The following FER variants were observed in gnomAD, a reference collection of about 807,000 sequenced individuals.
FER encodes the protein tyrosine-protein kinase Fer.
A neutral mutation model predicts 111.0 loss-of-function variants in FER; 63 were observed. The ratio of observed to expected loss-of-function variants is 0.57; its 90% CI spans 0.46 to 0.70. FER has a LOEUF of 0.70. Ranked by LOEUF, FER falls within the 30% of genes least tolerant of loss-of-function variation. FER has a pLI of 0.00. For missense variants in FER, 914 were observed against 954.0 expected, an observed-to-expected ratio of 0.96 and a Z score of 0.55; for synonymous variants, 327 against 313.9, an observed-to-expected ratio of 1.04 and a Z score of -0.44.
intron 13 of FER, among the ~76,000 whole-genome samples, chr5:109,020,205 G>T (rs1767741772): frequency 6.6e-6 from 1 of 151,788 alleles, no homozygotes; most frequent in Non-Finnish European, 1.5e-5. Flanking sequence ...CCTGCATTTG[G>T]AAATTAATTT....
intron 14 of FER, among the ~76,000 whole-genome samples, chr5:109,043,797 C>A (rs1033262296): frequency 5.9e-5 from 9 of 151,916 alleles, no homozygotes; most frequent in Non-Finnish European, 1.3e-4. Flanking sequence ...ATGCTGAAAC[C>A]CCATCTCTAC....
chr5:109,119,359 C>A (rs1449785813), intron 17 of FER, among the ~76,000 whole-genome samples: 2 of 152,180 alleles, frequency 1.3e-5, no homozygotes, highest in African/African-American at 4.8e-5. Flanking sequence ...TTTGTTTGCA[C>A]TGTGGTCTGA....
intron 3 of FER, chr5:108,820,431 C>T (rs1232834327): frequency 1.0e-6 from 1 of 984,972 alleles, no homozygotes; most frequent in Non-Finnish European, 1.2e-6. Context: ...TACTGTTCTT[C>T]AAAAGAAGAA....
intron 1 of FER, among the ~76,000 whole-genome samples, chr5:108,767,817 G>A (rs1368608368): frequency 6.6e-6 from 1 of 152,184 alleles, no homozygotes; most frequent in Non-Finnish European, 1.5e-5. Context: ...TGATGTAAAC[G>A]TGGAGAAAAA....
In FER at chr5:108,799,908, T is replaced by C. The variant is rs1219036732; in HGVS notation, c.207+1519T>C. ...CCCAGGCTGGAGTACGGTGGTGCAA[T>C]CTTGGCTCACTAAAACCTCTGCCTC... is the stretch of plus-strand genomic sequence containing the variant. On this transcript the variant is annotated intron_variant, in intron 3 of 19. Transcript: ENST00000281092. Among the ~76,000 whole-genome samples the C allele has an allele frequency of 4.6e-5, 7 of 150,726 alleles. No individual in the cohort carries two copies. The Admixed American group carries it at 4.7e-4, about 10-fold the overall frequency.
intron 13 of FER, among the ~76,000 whole-genome samples, chr5:109,007,926 T>G (rs1270373343): frequency 1.3e-5 from 2 of 152,352 alleles, no homozygotes; most frequent in East Asian, 3.9e-4. Context: ...TTTAGTTTTT[T>G]CAGTTTAAAA....
rs566097848 is a variant in FER at position 108,930,016 on chromosome 5, T to C, written c.1237-16114T>C. ...ATTGTGAATTTCTAAAGTTTTAAGA[T>C]ATCTAATAATTAGCTGTTTGTTTTT... is the stretch of plus-strand genomic sequence containing the variant. On this transcript the variant is annotated intron_variant, in intron 10 of 19. Coordinates refer to ENST00000281092, the MANE Select transcript of FER (RefSeq NM_005246.4). Among the ~76,000 whole-genome samples the C allele has an allele frequency of 1.6e-4, 24 of 152,340 alleles. No individual in the cohort carries two copies. The South Asian group carries it at 5.0e-3, about 32-fold the overall frequency.
intron 5 of FER, among the ~76,000 whole-genome samples, chr5:108,859,440 T>A (rs547982831): frequency 1.2e-4 from 19 of 152,190 alleles, no homozygotes; most frequent in South Asian, 2.1e-4. Flanking sequence ...AGAGATCATT[T>A]GTAGAGATTT....
rs564916185 is a variant in FER, at chr5:109,025,557, C to T, written c.1657-11865C>T. 1.5e-3 allele frequency among the ~76,000 whole-genome samples: 224 copies of T among 151,726 alleles called. 3 individuals are homozygous for T. The highest frequency in any genetic ancestry group is 5.1e-3 in the African/African-American group (210 of 41,340). On this transcript the variant is annotated intron_variant, in intron 13 of 19. Coordinates refer to ENST00000281092, the MANE Select transcript of FER (RefSeq NM_005246.4). ...GGGTTTTCTAGATATACAATCATGTCGTCTGCAAACAGGGACAATTTGACT... is the reference window on the plus strand; with the variant it reads ...GGGTTTTCTAGATATACAATCATGTTGTCTGCAAACAGGGACAATTTGACT...
chr5:108,849,460 GTTGTTGTTGTTGTTGTTGTTTTGTT>G (rs1322210576), intron 5 of FER, among the ~76,000 whole-genome samples: 1 of 149,802 alleles, frequency 6.7e-6, no homozygotes, highest in Non-Finnish European at 1.5e-5. Flanking sequence ...TGGTTTTGTT[GTTGTTGTTGTTGTTGTTGTTTTGTT>G]TTGTTGTTGT....
intron 13 of FER, among the ~76,000 whole-genome samples, chr5:108,994,475 G>A (rs745454407): frequency 5.9e-5 from 9 of 152,148 alleles, no homozygotes; most frequent in Non-Finnish European, 1.3e-4. Flanking sequence ...CTTTGTGTCT[G>A]TTTCTGTACC....
chr5:109,134,439 G>T (rs1329238702), intron 17 of FER, among the ~76,000 whole-genome samples: 1 of 152,040 alleles, frequency 6.6e-6, no homozygotes, highest in African/African-American at 2.4e-5. Context: ...GTTTTTCTTT[G>T]TCATTTATTA....
intron 3 of FER, among the ~76,000 whole-genome samples, chr5:108,824,656 T>G (rs1353859437): frequency 1.3e-5 from 2 of 152,114 alleles, no homozygotes; most frequent in African/African-American, 4.8e-5. Context: ...GGAAAAGAAA[T>G]AAATTTTAAA....
intron 17 of FER, among the ~76,000 whole-genome samples, chr5:109,164,653 CT>C (rs1756350088): frequency 6.6e-6 from 1 of 152,044 alleles, no homozygotes; most frequent in Non-Finnish European, 1.5e-5. Context: ...TGAATTCCAC[CT>C]TTTAGAAATA....
chr5:108,893,211 A>G (rs905739230), intron 9 of FER, among the ~76,000 whole-genome samples: 1 of 152,012 alleles, frequency 6.6e-6, no homozygotes, highest in Admixed American at 6.6e-5. Context: ...GAAGAAAGTC[A>G]TTGGTAGCTT....
chr5:109,066,216 A>C (rs1356255066), intron 16 of FER, among the ~76,000 whole-genome samples: 1 of 152,178 alleles, frequency 6.6e-6, no homozygotes, highest in Non-Finnish European at 1.5e-5. Context: ...GATACCTGCT[A>C]CCAGCAAGTG....
At chr5:109,153,203 T>A (rs1281017310) in intron 17 of FER, among the ~76,000 whole-genome samples, 1 of 134,786 alleles carries the variant, frequency 7.4e-6, no homozygotes, top group East Asian at 2.0e-4. Flanking sequence ...AACCAGGATT[T>A]TATGGTAAAA....
At chr5:108,918,766 C>T (rs930211300) in intron 10 of FER, among the ~76,000 whole-genome samples, 58 of 152,132 alleles carry the variant, frequency 3.8e-4, no homozygotes, top group Non-Finnish European at 1.5e-4. Flanking sequence ...GGATTACAGG[C>T]GTGAGCCACC....
chr5:108,797,047 C>G (rs1264168330), intron 2 of FER, among the ~76,000 whole-genome samples: 1 of 152,018 alleles, frequency 6.6e-6, no homozygotes, highest in Admixed American at 6.6e-5. Context: ...GGTATCACTG[C>G]TGGTTATTCA....
Sources: gnomAD v4.1 joint callset for allele counts (sites outside exome capture counted in the v4.1 genomes callset) on GRCh38, gnomAD v4.1.1 for gene constraint, MANE v1.5 for transcripts, NCBI Gene and HGNC (gene_info 2026-07-23, HGNC 2026-07-21) for gene names.